Variants in FAM78B observed in about 807,000 individuals in gnomAD.
FAM78B encodes protein FAM78B.
Under a neutral mutation model 20.0 loss-of-function variants are expected in FAM78B, and 10 were observed. That is an observed-to-expected ratio of 0.50 (90% CI 0.31 to 0.85). The LOEUF (loss-of-function observed/expected upper bound fraction) is 0.85, where lower values mean the gene tolerates loss of function less well. Ranked by LOEUF, FAM78B falls within the 40% of genes least tolerant of loss-of-function variation. FAM78B has a pLI of 0.05. For synonymous variants in FAM78B, 135 were observed against 132.8 expected (o/e 1.02, Z -0.12); for missense variants, 283 against 345.0 (o/e 0.82, Z 1.42).
chr1:166,102,988 A>C (rs1020757725), intron 1 of FAM78B, among the ~76,000 whole-genome samples: 23 of 152,270 alleles, frequency 1.5e-4, no homozygotes, highest in Admixed American at 7.2e-4. Flanking sequence ...TGTAAAAGAA[A>C]AGAAATTATA....
chr1:166,133,807 C>CCATT (rs1369462897), intron 1 of FAM78B, among the ~76,000 whole-genome samples: 1 of 152,150 alleles, frequency 6.6e-6, no homozygotes, highest in African/African-American at 2.4e-5. Context: ...GAGGTGCTTA[C>CCATT]CATTATAATT....
At chr1:166,165,842 G>C in intron 1 of FAM78B, 144 bp downstream of exon 1, 1 of 895,510 alleles carries the variant, frequency 1.1e-6, no homozygotes, top group Non-Finnish European at 1.7e-6. Flanking sequence ...AGCGTAGGGA[G>C]GAGGGAGGTG....
intron 1 of FAM78B, among the ~76,000 whole-genome samples, chr1:166,111,173 G>A (rs1452616913): frequency 6.6e-6 from 1 of 152,134 alleles, no homozygotes; most frequent in Non-Finnish European, 1.5e-5. Flanking sequence ...TCTCCTCTGG[G>A]TCAAGCAACC....
At chr1:166,093,434 C>T (rs1427831964) in intron 1 of FAM78B, among the ~76,000 whole-genome samples, 1 of 152,152 alleles carries the variant, frequency 6.6e-6, no homozygotes, top group Non-Finnish European at 1.5e-5. Flanking sequence ...GCATTTGTCT[C>T]CTTTTATATC....
chr1:166,111,986 G>A (rs1654073504), intron 1 of FAM78B, among the ~76,000 whole-genome samples: 1 of 152,126 alleles, frequency 6.6e-6, no homozygotes, highest in African/African-American at 2.4e-5. Flanking sequence ...TCGAAGTCAC[G>A]TTTTCTTTAT....
At chr1:166,058,839 C>G (rs766930142) in exon 3 of FAM78B, 1 of 152,426 alleles carries the variant, frequency 6.6e-6, no homozygotes, top group African/African-American at 2.4e-5. Context: ...CTCTTCTCAG[C>G]CATCTAGGAT....
At chr1:166,078,283 C>A (rs1428991364) in intron 1 of FAM78B, among the ~76,000 whole-genome samples, 8 of 152,084 alleles carry the variant, frequency 5.3e-5, no homozygotes, top group Non-Finnish European at 1.2e-4. Context: ...CCTGCCTCGA[C>A]CTCCCAAAGT....
chr1:166,140,242 C>A (rs1454159965), intron 1 of FAM78B, among the ~76,000 whole-genome samples: 2 of 152,252 alleles, frequency 1.3e-5, no homozygotes, highest in Non-Finnish European at 2.9e-5. Context: ...CCACCGCCAA[C>A]ATGCGGCTTC....
exon 3 of FAM78B, chr1:166,059,013 G>C (rs906690125): frequency 6.6e-6 from 1 of 152,594 alleles, no homozygotes; most frequent in African/African-American, 2.4e-5. Flanking sequence ...CAAGGCTTGG[G>C]TTATAAGACT....
At chr1:166,137,507 T>A (rs1006296667) in intron 1 of FAM78B, among the ~76,000 whole-genome samples, 18 of 152,356 alleles carry the variant, frequency 1.2e-4, no homozygotes, top group African/African-American at 3.6e-4. Context: ...GTACTTTTTT[T>A]TTTTTTAACT....
At position 166,155,532 on chromosome 1, in the gene FAM78B, C is replaced by A. The variant is rs527491097; in HGVS notation, c.263+10454G>T. Among the ~76,000 whole-genome samples the A allele has an allele frequency of 1.2e-4, 19 of 152,296 alleles. No individual in the cohort carries two copies. In the South Asian group the frequency reaches 3.9e-3, roughly 32 times the overall value. ...CAGACGAGCACATAGCTGCCCATCACTCAGTGTGTGCAGGTTTCTTAGCAA... is the reference window on the plus strand; with the variant it reads ...CAGACGAGCACATAGCTGCCCATCAATCAGTGTGTGCAGGTTTCTTAGCAA... On this transcript the variant is annotated intron_variant, in intron 1 of 1. Transcript: ENST00000354422.
At chr1:166,154,861 T>C (rs1212562378) in intron 1 of FAM78B, 1 of 472,104 alleles carries the variant, frequency 2.1e-6, no homozygotes, top group Admixed American at 2.3e-5. Flanking sequence ...ATGAGCTAGA[T>C]GATTTCCCGC....
At chr1:166,160,985 G>C (rs568935745) in intron 1 of FAM78B, among the ~76,000 whole-genome samples, 1 of 152,188 alleles carries the variant, frequency 6.6e-6, no homozygotes, top group African/African-American at 2.4e-5. Flanking sequence ...GGCTGAGACC[G>C]GAATGAGGGG....
At chr1:166,060,812 G>T in intron 2 of FAM78B, 1 of 327,928 alleles carries the variant, frequency 3.0e-6, no homozygotes, top group East Asian at 9.1e-5. Flanking sequence ...AAAAATTTTT[G>T]GTATTTATTT....
intron 1 of FAM78B, among the ~76,000 whole-genome samples, chr1:166,102,542 G>A (rs1653571263): frequency 6.6e-6 from 1 of 152,000 alleles, no homozygotes; most frequent in African/African-American, 2.4e-5. Context: ...AACAAAAAAA[G>A]GCAGGGGTTG....
chr1:166,121,971 C>A (rs767647852), intron 1 of FAM78B, among the ~76,000 whole-genome samples: 5 of 152,240 alleles, frequency 3.3e-5, no homozygotes, highest in African/African-American at 9.6e-5. Context: ...CACTACGGAG[C>A]ACCCATTGTG....
chr1:166,084,231 A>T (rs77565625), intron 1 of FAM78B, among the ~76,000 whole-genome samples: 2 of 128,638 alleles, frequency 1.6e-5, no homozygotes, highest in South Asian at 2.7e-4. Context: ...ACACACACAC[A>T]CACACACTCT....
At chr1:166,096,600 C>A (rs1653284090) in intron 1 of FAM78B, among the ~76,000 whole-genome samples, 1 of 152,162 alleles carries the variant, frequency 6.6e-6, no homozygotes, top group Admixed American at 6.5e-5. Flanking sequence ...CTGCTTTGTG[C>A]CTCAGTTTCC....
downstream of FAM78B, among the ~76,000 whole-genome samples, chr1:166,065,432 GTGT>G (rs1571124576): frequency 2.6e-5 from 4 of 152,318 alleles, no homozygotes; most frequent in East Asian, 5.8e-4. Context: ...AATCAGATGG[GTGT>G]TGTTACTATT....
Sources: gnomAD v4.1 joint callset for allele counts (sites outside exome capture counted in the v4.1 genomes callset) on GRCh38, gnomAD v4.1.1 for gene constraint, MANE v1.5 for transcripts, NCBI Gene and HGNC (gene_info 2026-07-23, HGNC 2026-07-21) for gene names.